SHQ1: variants seen among roughly 807,000 people sequenced by gnomAD.
The protein encoded by SHQ1 is SHQ1, H/ACA ribonucleoprotein assembly factor.
In SHQ1, 49 loss-of-function variants were observed where a neutral mutation model predicts 53.8. The ratio of observed to expected loss-of-function variants is 0.91; its 90% CI spans 0.72 to 1.16. The LOEUF is 1.16. Ranked by LOEUF, SHQ1 falls within the 50% of genes most tolerant of loss-of-function variation. The pLI is 0.00. For synonymous variants in SHQ1, 243 were observed against 251.0 expected (o/e 0.97, Z 0.30); for missense variants, 738 against 683.1 (o/e 1.08, Z -0.90).
rs867008775 is a variant in SHQ1, at chr3:72,835,230, A to G, written c.487-2749T>C. Among the ~76,000 whole-genome samples the G allele has an allele frequency of 2.6e-5, 4 of 151,942 alleles. No individual in the cohort carries two copies. The Middle Eastern group carries it at 0.014, about 517-fold the overall frequency. Reference sequence around the variant, plus strand: ...TGTAACATATTCTGGGGAGAAGCACAAGGACATTTTTTTGGGGAAGGGGAC... The same window carrying G: ...TGTAACATATTCTGGGGAGAAGCACGAGGACATTTTTTTGGGGAAGGGGAC... On this transcript the variant is annotated intron_variant, in intron 4 of 10. Coordinates refer to ENST00000325599, the MANE Select transcript of SHQ1 (RefSeq NM_018130.3).
Position 72,812,749 on chromosome 3 carries a change from C to T in SHQ1, c.982G>A (p.Val328Met). Residue 328 changes from valine to methionine, a missense_variant, in exon 9 of 11, where the codon GTG (valine) becomes ATG (methionine). Physicochemically the swap from Val to Met is conservative, Grantham distance 21 (BLOSUM62 1). Coordinates refer to ENST00000325599, the MANE Select transcript of SHQ1 (RefSeq NM_018130.3). Reference sequence around the variant, plus strand: ...TGGCGATAGAGTGGGTAACACAACACCCTTCTTCCAAAAGACACCATGATA... The same window carrying T: ...TGGCGATAGAGTGGGTAACACAACATCCTTCTTCCAAAAGACACCATGATA... ...HDIMVSFGRR[V>M]LCYPLYRHFK... 1 of 1,614,082 alleles carries T rather than the reference C, an allele frequency of 6.2e-7. No homozygotes were observed. Among genetic ancestry groups the T allele is most frequent in the Non-Finnish European group, 8.5e-7 (1 of 1,179,994 alleles).
At chr3:72,760,291 C>T (rs1705579778) in intron 10 of SHQ1, among the ~76,000 whole-genome samples, 1 of 152,126 alleles carries the variant, frequency 6.6e-6, no homozygotes, top group Non-Finnish European at 1.5e-5. Context: ...AAATGATATA[C>T]TAGAATGTGG....
chr3:72,842,022 C>G (rs1258715994), intron 3 of SHQ1, among the ~76,000 whole-genome samples: 1 of 152,172 alleles, frequency 6.6e-6, no homozygotes, highest in Non-Finnish European at 1.5e-5. Context: ...CTGATCTTAG[C>G]TCAAGATGCT....
At chr3:72,749,015 C>T (rs1218697805), downstream of SHQ1, among the ~76,000 whole-genome samples, 1 of 151,744 alleles carries the variant, frequency 6.6e-6, no homozygotes, top group Non-Finnish European at 1.5e-5. Flanking sequence ...AAGATTTGAA[C>T]AGACACTTCC....
chr3:72,835,106 C>CTTT (rs761840255), intron 4 of SHQ1, among the ~76,000 whole-genome samples: 41 of 130,796 alleles, frequency 3.1e-4, no homozygotes, highest in African/African-American at 9.3e-4. Flanking sequence ...CCATCAGCTT[C>CTTT]TTTTTTTTTT....
At chr3:72,729,716 G>C in the SHQ1 span, among the ~76,000 whole-genome samples, 7 of 152,290 alleles carry the variant, frequency 4.6e-5, no homozygotes, top group Non-Finnish European at 1.5e-5. Flanking sequence ...ACAGCCAATA[G>C]CATTATACAG....
At chr3:72,799,857 T>G (rs1706733089) in intron 9 of SHQ1, among the ~76,000 whole-genome samples, 1 of 152,152 alleles carries the variant, frequency 6.6e-6, no homozygotes, top group Admixed American at 6.5e-5. Flanking sequence ...AACCCTCAAT[T>G]CAACTCATAA....
At chr3:72,771,417 T>C (rs1215981724) in intron 10 of SHQ1, among the ~76,000 whole-genome samples, 1 of 152,166 alleles carries the variant, frequency 6.6e-6, no homozygotes, top group Non-Finnish European at 1.5e-5. Flanking sequence ...AATGCAAAGA[T>C]TGTGAACTAG....
Position 72,817,354 on chromosome 3 carries a change from A to G in SHQ1, c.758T>C (p.Leu253Pro). ...VSFSEEEKYQ[L>P]RKFVNKSYLL... ...ATAAGATTTATTGACAAATTTTCGT[A>G]GCTGATACTTCTCTTCTTCAGAAAA... is the stretch of plus-strand genomic sequence containing the variant. The change falls in exon 7 of 11, where the codon CTA becomes CCA. Residue 253 changes from leucine (L) to proline (P), a missense_variant. Leu to Pro is a moderately conservative substitution (Grantham distance 98). Transcript: ENST00000325599. 2 of 1,612,628 alleles carry G rather than the reference A, an allele frequency of 1.2e-6. No homozygotes were observed. The highest frequency in any genetic ancestry group is 1.7e-6 in the Non-Finnish European group (2 of 1,179,072).
intron 9 of SHQ1, chr3:72,795,593 T>C (rs1358185344): frequency 1.3e-5 from 2 of 152,208 alleles, no homozygotes; most frequent in East Asian, 3.8e-4. Context: ...CTAATTTCTT[T>C]CTTGCTTTCC....
the SHQ1 span, among the ~76,000 whole-genome samples, chr3:72,735,558 T>G: frequency 1.1e-4 from 16 of 139,196 alleles, no homozygotes; most frequent in African/African-American, 4.3e-4. Context: ...AGAGTCAGAG[T>G]GAGAGGGCAC....
chr3:72,763,650 A>G (rs1705658430), intron 10 of SHQ1, among the ~76,000 whole-genome samples: 1 of 152,220 alleles, frequency 6.6e-6, no homozygotes, highest in Non-Finnish European at 1.5e-5. Context: ...AAAAAACACA[A>G]TGTAAAGACA....
intron 10 of SHQ1, among the ~76,000 whole-genome samples, chr3:72,780,144 G>A (rs1166004099): frequency 6.6e-6 from 1 of 152,166 alleles, no homozygotes; most frequent in Admixed American, 6.5e-5. Flanking sequence ...TTCTGGATTT[G>A]AAATATGCAT....
chr3:72,758,585 T>C lies in SHQ1; in HGVS notation c.1182-7749A>G, dbSNP rs573397473. 2.6e-3 allele frequency among the ~76,000 whole-genome samples: 375 copies of C among 142,702 alleles called. 1 individual carries two copies. The highest frequency in any genetic ancestry group is 8.6e-3 in the African/African-American group (335 of 38,792). 93.6% of individuals were successfully genotyped at this position (142,702 alleles called of 152,430 possible). A position where few individuals can be genotyped will look rare whatever the true frequency, so the allele number is the denominator to read the frequency against. ...ATTTTTTCTTTTTTTTTTTTTTTTTTCCGAGATGGAGTCTCATTCTATTGC... is the reference window on the plus strand; with the variant it reads ...ATTTTTTCTTTTTTTTTTTTTTTTTCCCGAGATGGAGTCTCATTCTATTGC... On this transcript the variant is annotated intron_variant, in intron 10 of 10. Transcript: ENST00000325599.
At chr3:72,746,201 C>T (rs533344696), downstream of SHQ1, among the ~76,000 whole-genome samples, 1 of 152,304 alleles carries the variant, frequency 6.6e-6, no homozygotes, top group Admixed American at 6.5e-5. Flanking sequence ...GAGCCAGCTA[C>T]AGTGGAGCTG....
intron 4 of SHQ1, among the ~76,000 whole-genome samples, chr3:72,836,732 T>C (rs1708011127): frequency 6.6e-6 from 1 of 152,112 alleles, no homozygotes; most frequent in Admixed American, 6.6e-5. Context: ...GTAGAAGGCA[T>C]TAATCAACCA....
At position 72,814,952 on chromosome 3, in the gene SHQ1, A is replaced by G. The variant is rs138175592; in HGVS notation, c.936+398T>C. On this transcript the variant is annotated intron_variant, in intron 8 of 10. Coordinates refer to ENST00000325599, the MANE Select transcript of SHQ1 (RefSeq NM_018130.3). Reference sequence around the variant, plus strand: ...TTTTTTTACATATACACATATATATAAAAAATCATATAAAAAACATTATTT... The same window carrying G: ...TTTTTTTACATATACACATATATATGAAAAATCATATAAAAAACATTATTT... Among the ~76,000 whole-genome samples, 1,030 of 152,272 alleles carry G rather than the reference A, an allele frequency of 6.8e-3. 6 individuals are homozygous for G. The highest frequency in any genetic ancestry group is 0.022 in the African/African-American group (920 of 41,538).
chr3:72,820,204 T>C (rs774113252), intron 6 of SHQ1, among the ~76,000 whole-genome samples: 3 of 152,246 alleles, frequency 2.0e-5, no homozygotes, highest in South Asian at 4.1e-4. Flanking sequence ...TTTATAAAAG[T>C]TGACCTAGGC....
intron 1 of SHQ1, among the ~76,000 whole-genome samples, chr3:72,847,408 T>C (rs1202637692): frequency 6.6e-6 from 1 of 151,854 alleles, no homozygotes; most frequent in Non-Finnish European, 1.5e-5. Flanking sequence ...TAGCAGCGGG[T>C]TCTGTGGAAT....
Sources: allele counts gnomAD v4.1 joint callset (sites outside exome capture counted in the v4.1 genomes callset), GRCh38; gene constraint gnomAD v4.1.1; transcripts MANE v1.5; gene names NCBI Gene and HGNC (gene_info 2026-07-23, HGNC 2026-07-21).